The following ADRA1A variants were observed in gnomAD, a reference collection of about 807,000 sequenced individuals.
ADRA1A encodes alpha-1A adrenergic receptor.
Under a neutral mutation model 29.6 loss-of-function variants are expected in ADRA1A, and 31 were observed. That is an observed-to-expected ratio of 1.05 (90% CI 0.79 to 1.41). ADRA1A has a LOEUF of 1.41. Among genes scored for constraint, ADRA1A ranks in the 40% most tolerant of loss-of-function variants. ADRA1A has a pLI of 0.00. For missense variants in ADRA1A, 619 were observed against 601.1 expected (o/e 1.03, Z -0.31); for synonymous variants, 311 against 254.3 (o/e 1.22, Z -2.12).
chr8:26,860,125 C>T lies in ADRA1A; in HGVS notation c.883+3962G>A, dbSNP rs563944123. Among the ~76,000 whole-genome samples, 21 of 152,250 alleles carry T rather than the reference C, an allele frequency of 1.4e-4. No homozygotes were observed. Among genetic ancestry groups the T allele is most frequent in the Admixed American group, 1.0e-3 (16 of 15,302 alleles). On this transcript the variant is annotated intron_variant, in intron 2 of 2. Transcript: ENST00000380573. The surrounding 1 kb of genome is among the most constrained non-coding windows in gnomAD (Gnocchi z 4.7). ...CGAGGGCTCCTGTCTACCACCACTTCTCTCCACCACAACATCTTCTCCTCC... is the reference window on the plus strand; with the variant it reads ...CGAGGGCTCCTGTCTACCACCACTTTTCTCCACCACAACATCTTCTCCTCC...
chr8:26,776,413 T>C (rs1437952330), intron 2 of ADRA1A, among the ~76,000 whole-genome samples: 2 of 152,218 alleles, frequency 1.3e-5, no homozygotes, highest in Non-Finnish European at 2.9e-5. Context: ...TGGGCTATGG[T>C]AAACCCTACT....
intron 2 of ADRA1A, among the ~76,000 whole-genome samples, chr8:26,791,448 T>C (rs1807828100): frequency 6.6e-6 from 1 of 152,102 alleles, no homozygotes; most frequent in African/African-American, 2.4e-5. Flanking sequence ...GTAATGACAG[T>C]ATGGCGATGA....
chr8:26,784,932 C>A (rs563743799), intron 2 of ADRA1A, among the ~76,000 whole-genome samples: 1 of 152,062 alleles, frequency 6.6e-6, no homozygotes, highest in African/African-American at 2.4e-5. Context: ...TCAGAATAGG[C>A]GGGATACCCA....
intron 2 of ADRA1A, among the ~76,000 whole-genome samples, chr8:26,758,984 A>G (rs1805356406): frequency 6.6e-6 from 1 of 152,226 alleles, no homozygotes; most frequent in African/African-American, 2.4e-5. Context: ...CTCTGAAAAT[A>G]CAATTTTTAC....
intron 2 of ADRA1A, among the ~76,000 whole-genome samples, chr8:26,829,528 G>GA (rs1183949336): frequency 1.3e-5 from 2 of 151,908 alleles, no homozygotes; most frequent in African/African-American, 2.4e-5. Flanking sequence ...TTACCCTTAG[G>GA]AAAAAATATA....
chr8:26,836,456 G>T (rs488323), intron 2 of ADRA1A, among the ~76,000 whole-genome samples: 73,171 of 151,954 alleles, frequency 0.48, 18,506 homozygotes, highest in Non-Finnish European at 0.55. Flanking sequence ...TATCTACACC[G>T]TGAAGAGAAA....
rs891149682 is a variant in ADRA1A, at chr8:26,854,077, T to A, written c.883+10010A>T. On this transcript the variant is annotated intron_variant, in intron 2 of 2. Transcript: ENST00000380573. ...ATTCCATAGAAGGTGGATGCCACTC[T>A]GGAAAGGAGGAGGAGTGTCCCCTTT... 3.9e-5 allele frequency: 6 copies of A among 152,282 alleles called. 1 individual carries two copies. Among genetic ancestry groups the A allele is most frequent in the Admixed American group, 6.5e-5 (1 of 15,286 alleles). The allele number at this position is 152,282 out of a possible 1,614,324, so 9.4% of individuals were successfully genotyped here.
At chr8:26,819,522 G>A (rs1475019263) in intron 2 of ADRA1A, among the ~76,000 whole-genome samples, 1 of 152,094 alleles carries the variant, frequency 6.6e-6, no homozygotes, top group African/African-American at 2.4e-5. Context: ...GTTTTTGTAT[G>A]CAATTGAATT....
At chr8:26,752,373 C>G (rs574082214), downstream of ADRA1A, among the ~76,000 whole-genome samples, 77 of 152,272 alleles carry the variant, frequency 5.1e-4, no homozygotes, top group Non-Finnish European at 5.7e-4. Flanking sequence ...TTTTATTATG[C>G]AAATGAGGTC....
Position 26,748,787 on chromosome 8 carries a change from C to G in ADRA1A, c.1270-39G>C, listed in dbSNP as rs560844906. The G allele has an allele frequency of 8.0e-4, 319 of 398,032 alleles. 2 individuals are homozygous for G. The highest frequency in any genetic ancestry group is 2.4e-3 in the Admixed American group (73 of 31,010). 24.7% of individuals were successfully genotyped at this position (398,032 alleles called of 1,614,324 possible). ...AAAAAAAAAGTTGAAAAACTATTGA[C>G]CTAATTTTTCCCACTGAATTTATTC... On this transcript the variant is annotated intron_variant, in intron 2 of 2. Coordinates refer to the ADRA1A transcript ENST00000380586.
chr8:26,778,582 G>A (rs1806716680), intron 2 of ADRA1A, among the ~76,000 whole-genome samples: 1 of 152,000 alleles, frequency 6.6e-6, no homozygotes, highest in South Asian at 2.1e-4. Context: ...GAGAAAATGT[G>A]GCACATATAC....
Position 26,864,145 on chromosome 8 carries a change from G to GC in ADRA1A, c.824dup (p.Ile276HisfsTer25). Reference sequence around the variant, plus strand: ...AGAGGACGAAGCAGCCGACCACGATGCCCAGCGTTTTGGCCGCTTTCTTCT... The same window carrying GC: ...AGAGGACGAAGCAGCCGACCACGATGCCCCAGCGTTTTGGCCGCTTTCTTCT... On this transcript the variant is annotated frameshift_variant, in exon 2 of 3. Transcript: ENST00000380573. LOFTEE classifies it high-confidence loss of function. This position sits in a 1 kb window ranked among gnomAD's most constrained non-coding sequence, Gnocchi z 8.1. 1 of 1,614,168 alleles carries GC rather than the reference G, an allele frequency of 6.2e-7. No individual in the cohort carries two copies. The highest frequency in any genetic ancestry group is 8.5e-7 in the Non-Finnish European group (1 of 1,180,048).
chr8:26,822,710 T>C (rs1810260840), intron 2 of ADRA1A, among the ~76,000 whole-genome samples: 1 of 152,188 alleles, frequency 6.6e-6, no homozygotes, highest in African/African-American at 2.4e-5. Flanking sequence ...TGCCTGAGAC[T>C]GGGTAATTTA....
chr8:26,796,953 C>T lies in ADRA1A; in HGVS notation c.884-26287G>A, dbSNP rs745701896. On this transcript the variant is annotated intron_variant, in intron 2 of 2. Transcript: ENST00000380573. This position sits in a 1 kb window ranked among gnomAD's most constrained non-coding sequence, Gnocchi z 5.0. ...GAATTGAGAGTGAAATGAAGGGAGT[C>T]GTATTAGAGCATGAGTTCTCTCAGC... 1.3e-5 allele frequency among the ~76,000 whole-genome samples: 2 copies of T among 152,194 alleles called. No individual in the cohort carries two copies. The highest frequency in any genetic ancestry group is 6.5e-5 in the Admixed American group (1 of 15,284).
intron 2 of ADRA1A, among the ~76,000 whole-genome samples, chr8:26,826,259 T>C (rs1184381650): frequency 6.6e-6 from 1 of 152,174 alleles, no homozygotes. Context: ...GATAGTTGGG[T>C]GTTTCTGACT....
In ADRA1A at chr8:26,817,764, C is replaced by A. The variant is rs141403093; in HGVS notation, c.883+46323G>T. ...CTGTACTCCAGCCTGGGTGACAGAGCGAGACCTTATCTCAGGTAAACAAAA... is the reference window on the plus strand; with the variant it reads ...CTGTACTCCAGCCTGGGTGACAGAGAGAGACCTTATCTCAGGTAAACAAAA... On this transcript the variant is annotated intron_variant, in intron 2 of 2. Coordinates refer to ENST00000380573, the MANE Select transcript of ADRA1A (RefSeq NM_000680.4). Among the ~76,000 whole-genome samples, 81 of 152,180 alleles carry A rather than the reference C, an allele frequency of 5.3e-4. 1 individual carries two copies. The highest frequency in any genetic ancestry group is 6.3e-4 in the Non-Finnish European group (43 of 67,990).
intron 2 of ADRA1A, among the ~76,000 whole-genome samples, chr8:26,749,899 A>G (rs1415313628): frequency 2.0e-5 from 3 of 152,198 alleles, no homozygotes; most frequent in Admixed American, 6.5e-5. Flanking sequence ...AGGCCTGGTC[A>G]TGATTCTACT....
Position 26,806,608 on chromosome 8 carries a change from G to C in ADRA1A, c.884-35942C>G, listed in dbSNP as rs962404685. Among the ~76,000 whole-genome samples, 1 of 152,136 alleles carries C rather than the reference G, an allele frequency of 6.6e-6. No individual in the cohort carries two copies. On this transcript the variant is annotated intron_variant, in intron 2 of 2. Transcript: ENST00000380573. The surrounding 1 kb of genome is among the most constrained non-coding windows in gnomAD (Gnocchi z 4.6). ...TGGGAAGATGTCATGCCTCACACTG[G>C]GGAGTAAATGAAATGGCCTATAGCT... is the stretch of plus-strand genomic sequence containing the variant.
At chr8:26,766,266 T>C, downstream of ADRA1A, 1 of 756,932 alleles carries the variant, frequency 1.3e-6, no homozygotes, top group Non-Finnish European at 2.3e-6. Context: ...TGAACTGTGG[T>C]TGGTCATCAA....
Sources: gnomAD v4.1 joint callset for allele counts (sites outside exome capture counted in the v4.1 genomes callset) on GRCh38, gnomAD v4.1.1 for gene constraint, Gnocchi (gnomAD v3.1) non-coding constraint, MANE v1.5 for transcripts, NCBI Gene and HGNC (gene_info 2026-07-23, HGNC 2026-07-21) for gene names.